AP2A2: variants seen among roughly 807,000 people sequenced by gnomAD.
The protein encoded by AP2A2 is adaptor related protein complex 2 subunit alpha 2.
AP2A2 carries 32 observed loss-of-function variants against 104.2 expected under a neutral mutation model. The ratio of observed to expected loss-of-function variants is 0.31; its 90% CI spans 0.23 to 0.41. The LOEUF (loss-of-function observed/expected upper bound fraction) is 0.41, where lower values mean the gene tolerates loss of function less well. Among genes scored for constraint, AP2A2 ranks in the 10% least tolerant of loss-of-function variants. The pLI is 1.00. For missense variants in AP2A2, 912 were observed against 1,261.0 expected (o/e 0.72, Z 4.19); for synonymous variants, 539 against 533.3 (o/e 1.01, Z -0.15).
chr11:989,934 C>T (rs574803655), intron 10 of AP2A2, among the ~76,000 whole-genome samples: 3 of 152,300 alleles, frequency 2.0e-5, no homozygotes, highest in South Asian at 2.1e-4. Context: ...GGGCGAAGTG[C>T]GGCTCAAGGC....
chr11:980,827 G>A (rs897597222), intron 5 of AP2A2, among the ~76,000 whole-genome samples: 10 of 152,240 alleles, frequency 6.6e-5, no homozygotes, highest in Admixed American at 2.6e-4. Context: ...GTGAACATGC[G>A]TTATTAAACC....
intron 14 of AP2A2, among the ~76,000 whole-genome samples, chr11:997,013 G>T (rs1855878992): frequency 6.6e-6 from 1 of 151,986 alleles, no homozygotes; most frequent in Non-Finnish European, 1.5e-5. Context: ...GCTCACGGGA[G>T]CCCCAGTGAG....
In AP2A2 at chr11:986,884, G is replaced by C. The variant is rs528316140; in HGVS notation, c.1062G>C (p.Thr354=). ...LRYLALESMC[T]LASSEFSHEA... ...ACCTGGCCCTGGAGAGCATGTGCAC[G>C]CTGGCCAGCTCTGAGTTCTCCCATG... Residue 354 remains threonine, a synonymous_variant, in exon 9 of 22, where the codon ACG becomes ACC. Transcript: ENST00000448903. The C allele has an allele frequency of 3.8e-5, 61 of 1,608,354 alleles. No individual in the cohort carries two copies. Among genetic ancestry groups the C allele is most frequent in the Non-Finnish European group, 5.1e-5 (60 of 1,177,858 alleles).
chr11:972,206 G>T lies in AP2A2; in HGVS notation c.424G>T (p.Glu142Ter). The T allele has an allele frequency of 6.2e-7, 1 of 1,611,072 alleles. No individual in the cohort carries two copies. The change falls in exon 4 of 22, where the codon GAG (glutamate) becomes TAG (stop). Residue 142 changes from glutamate (E) to a stop codon, truncating the protein, a stop_gained. Coordinates refer to ENST00000448903, the MANE Select transcript of AP2A2 (RefSeq NM_012305.4). LOFTEE classifies it high-confidence loss of function. ...CTGCATCGCCAGCGTGGGCAGCCGG[G>T]AGATGGCCGAGGCCTTCGCCGGGGA... The part of the protein sequence containing the change: ...LHCIASVGSR[E>*]MAEAFAGEIP...
chr11:984,298 G>T (rs1019278225), intron 6 of AP2A2, among the ~76,000 whole-genome samples: 2 of 152,112 alleles, frequency 1.3e-5, no homozygotes, highest in Non-Finnish European at 2.9e-5. Context: ...GCCGGCTTCT[G>T]GGGGTGGGGG....
intron 2 of AP2A2, among the ~76,000 whole-genome samples, chr11:963,133 G>GAAAAAA (rs200746644): frequency 6.6e-6 from 1 of 150,710 alleles, no homozygotes; most frequent in Non-Finnish European, 1.5e-5. Context: ...GTAATCAATT[G>GAAAAAA]AAAAAAAAAC....
intron 1 of AP2A2, among the ~76,000 whole-genome samples, chr11:927,584 G>T (rs1247072991): frequency 6.7e-6 from 1 of 149,414 alleles, no homozygotes; most frequent in African/African-American, 2.6e-5. Flanking sequence ...GGGAGGCTGA[G>T]GCAGGTGGAT....
intron 1 of AP2A2, among the ~76,000 whole-genome samples, chr11:953,442 G>A (rs922527353): frequency 1.3e-5 from 2 of 152,122 alleles, no homozygotes; most frequent in African/African-American, 4.8e-5. Flanking sequence ...TGGGATTATA[G>A]GCGTGAGCCA....
In AP2A2 at chr11:1,010,737, G is replaced by T. The variant is rs1359127383; in HGVS notation, c.*112G>T. 1.1e-6 allele frequency: 1 copy of T among 892,260 alleles called. No individual in the cohort carries two copies. Among genetic ancestry groups the T allele is most frequent in the Non-Finnish European group, 1.8e-6 (1 of 552,520 alleles). 55.3% of individuals were successfully genotyped at this position (892,260 alleles called of 1,614,324 possible). A position where few individuals can be genotyped will look rare whatever the true frequency, so the allele number is the denominator to read the frequency against. On this transcript the variant is annotated 3_prime_UTR_variant, in exon 22 of 22. Coordinates refer to ENST00000448903, the MANE Select transcript of AP2A2 (RefSeq NM_012305.4). ...CGTGTCCAGTGCCACAGCACAAGGC[G>T]CCTCCCCGCCCCGCCGCCCCACACC...
chr11:972,944 C>T (rs111623322), intron 4 of AP2A2, among the ~76,000 whole-genome samples: 3 of 152,254 alleles, frequency 2.0e-5, no homozygotes, highest in Non-Finnish European at 4.4e-5. Context: ...TCCGTTCCGT[C>T]CCTTGTTAAT....
chr11:981,652 C>G (rs1185311026), intron 6 of AP2A2, among the ~76,000 whole-genome samples: 1 of 152,236 alleles, frequency 6.6e-6, no homozygotes, highest in Non-Finnish European at 1.5e-5. Flanking sequence ...TGCAGATGGA[C>G]CTGCAGCACA....
intron 1 of AP2A2, among the ~76,000 whole-genome samples, chr11:939,691 C>T (rs1455026342): frequency 6.6e-6 from 1 of 152,066 alleles, no homozygotes; most frequent in Non-Finnish European, 1.5e-5. Flanking sequence ...CTGATCTGCC[C>T]TCCTCGGCCT....
At position 1,009,147 on chromosome 11, in the gene AP2A2, TCAA is replaced by T; in HGVS notation, c.2472_2474del (p.Asn824del). ...GTGTCTGTGCAGCTGCCCATCACTC[TCAA>T]CAAATTCTTCCAGCCGACAGAAATG... On this transcript the variant is annotated inframe_deletion, in exon 19 of 22. Coordinates refer to ENST00000448903, the MANE Select transcript of AP2A2 (RefSeq NM_012305.4). 6.2e-7 allele frequency: 1 copy of T among 1,613,606 alleles called. No homozygotes were observed.
At chr11:988,443 A>G in intron 9 of AP2A2, 109 bp from the exon 10 acceptor site, 2 of 1,389,168 alleles carry the variant, frequency 1.4e-6, no homozygotes, top group Non-Finnish European at 2.0e-6. Context: ...TGTGCATGTG[A>G]GGGAAACTCA....
chr11:948,936 A>G (rs1052491089), intron 1 of AP2A2, among the ~76,000 whole-genome samples: 8 of 152,122 alleles, frequency 5.3e-5, no homozygotes, highest in Admixed American at 4.6e-4. Flanking sequence ...TGGCTTCTCT[A>G]GAAAAGTCAC....
intron 1 of AP2A2, among the ~76,000 whole-genome samples, chr11:945,679 G>A (rs1853808405): frequency 6.6e-6 from 1 of 152,090 alleles, no homozygotes; most frequent in Non-Finnish European, 1.5e-5. Flanking sequence ...GGCCAGGCAT[G>A]GTGGCTGAGG....
intron 21 of AP2A2, chr11:1,010,331 A>T (rs560750142): frequency 6.8e-6 from 4 of 586,192 alleles, no homozygotes; most frequent in Non-Finnish European, 9.1e-6. Flanking sequence ...GCCACTTTGC[A>T]CTCCCGCCAG....
At chr11:957,253 C>T (rs2134552678) in intron 1 of AP2A2, among the ~76,000 whole-genome samples, 1 of 152,342 alleles carries the variant, frequency 6.6e-6, no homozygotes. Context: ...CTCCAGGGAT[C>T]CCCATGTGTT....
rs946530746 is a variant in AP2A2, at chr11:968,792, G to T, written c.137-1377G>T. ...AAGCAGATAAGTGGGTCGGGGCCGG[G>T]GGAGGGAGGAACCAGGTCGGGTCTG... On this transcript the variant is annotated intron_variant, in intron 2 of 21. Coordinates refer to ENST00000448903, the MANE Select transcript of AP2A2 (RefSeq NM_012305.4). This position sits in a 1 kb window ranked among gnomAD's most constrained non-coding sequence, Gnocchi z 4.2. 2.0e-5 allele frequency among the ~76,000 whole-genome samples: 3 copies of T among 151,946 alleles called. No homozygotes were observed. Among genetic ancestry groups the T allele is most frequent in the Non-Finnish European group, 2.9e-5 (2 of 67,978 alleles).
Sources: allele counts gnomAD v4.1 joint callset (sites outside exome capture counted in the v4.1 genomes callset), GRCh38; gene constraint gnomAD v4.1.1; non-coding constraint Gnocchi (gnomAD v3.1); transcripts MANE v1.5; gene names NCBI Gene and HGNC (gene_info 2026-07-23, HGNC 2026-07-21).